LHX2: variants seen among roughly 807,000 people sequenced by gnomAD.
LHX2 encodes the protein LIM/homeobox protein Lhx2.
A neutral mutation model predicts 33.0 loss-of-function variants in LHX2; 6 were observed. The ratio of observed to expected loss-of-function variants is 0.18; its 90% CI spans 0.10 to 0.36. The LOEUF is 0.36. Ranked by LOEUF, LHX2 falls within the 10% of genes least tolerant of loss-of-function variation. The pLI, the probability that LHX2 is intolerant of heterozygous loss-of-function variation, is 1.00. For missense variants in LHX2, 442 were observed against 586.2 expected (o/e 0.75, Z 2.54); for synonymous variants, 292 against 253.1 (o/e 1.15, Z -1.46).
chr9:124,018,235 G>C (rs1391715987), intron 3 of LHX2, among the ~76,000 whole-genome samples: 4 of 150,936 alleles, frequency 2.7e-5, no homozygotes, highest in African/African-American at 9.8e-5. Flanking sequence ...ATGATTTTAC[G>C]AGCTCTTTAG....
chr9:124,012,444 C>A lies in LHX2; in HGVS notation c.96C>A (p.Ala32=). 6.6e-7 allele frequency: 1 copy of A among 1,524,090 alleles called. No individual in the cohort carries two copies. The allele number at this position is 1,524,090 out of a possible 1,614,324, so 94.4% of individuals were successfully genotyped here. A position where few individuals can be genotyped will look rare whatever the true frequency, so the allele number is the denominator to read the frequency against. The change falls in exon 1 of 5, where the codon GCC becomes GCA. Residue 32 remains alanine, a synonymous_variant. Coordinates refer to ENST00000373615, the MANE Select transcript of LHX2 (RefSeq NM_004789.4). The surrounding 1 kb of genome is among the most constrained non-coding windows in gnomAD (Gnocchi z 4.3). ...GCGAGGCTCCCGCCATCAGCTCCGC[C>A]ATCGACCGCGGCGACACCGAGACGG... ...AKSEAPAISS[A]IDRGDTETTM... is the part of the protein sequence containing the mutation.
At chr9:124,013,109 A>G (rs1031082142) in intron 1 of LHX2, among the ~76,000 whole-genome samples, 2 of 152,182 alleles carry the variant, frequency 1.3e-5, no homozygotes, top group Admixed American at 6.5e-5. Context: ...CCCAGCCCCA[A>G]ATAGCCAGTT....
chr9:124,013,999 C>T lies in LHX2; in HGVS notation c.159C>T (p.Cys53=), dbSNP rs760944693. 24 of 1,613,278 alleles carry T rather than the reference C, an allele frequency of 1.5e-5. No individual in the cohort carries two copies. Among genetic ancestry groups the T allele is most frequent in the African/African-American group, 5.3e-5 (4 of 74,944 alleles). The change falls in exon 2 of 5, where the codon TGC becomes TGT. Residue 53 remains cysteine (C), a synonymous_variant. Transcript: ENST00000373615. ...TCAGCAGTGACCGCGCCGCGCTGTG[C>T]GCCGGCTGCGGGGGCAAGATCTCGG... ...PSISSDRAAL[C]AGCGGKISDR...
rs1018158332 is a variant in LHX2 at position 124,013,014 on chromosome 9, G to A, written c.120+546G>A. On this transcript the variant is annotated intron_variant, in intron 1 of 4. Coordinates refer to ENST00000373615, the MANE Select transcript of LHX2 (RefSeq NM_004789.4). ...CCAGACCCTTGACTGGTCAGACTTAGCCAGGCCAGGGCTGGGAGTTCAGGC... is the reference window on the plus strand; with the variant it reads ...CCAGACCCTTGACTGGTCAGACTTAACCAGGCCAGGGCTGGGAGTTCAGGC... Among the ~76,000 whole-genome samples the A allele has an allele frequency of 1.2e-3, 189 of 152,360 alleles. 2 individuals carry two copies. Among genetic ancestry groups the A allele is most frequent in the Admixed American group, 0.012 (184 of 15,312 alleles).
chr9:124,014,245 G>C lies in LHX2; in HGVS notation c.323+82G>C. ...CTTACAGTTTGGCCCTCTCCTTTCC[G>C]TTTAGTCCCAGGAGAGGGTTCACTA... On this transcript the variant is annotated intron_variant, in intron 2 of 4. Transcript: ENST00000373615. The surrounding 1 kb of genome is among the most constrained non-coding windows in gnomAD (Gnocchi z 4.8). 7 of 902,930 alleles carry C rather than the reference G, an allele frequency of 7.8e-6. No individual in the cohort carries two copies. The highest frequency in any genetic ancestry group is 1.9e-5 in the African/African-American group (1 of 53,852). 55.9% of individuals were successfully genotyped at this position (902,930 alleles called of 1,614,324 possible).
At position 124,015,351 on chromosome 9, in the gene LHX2, G is replaced by A. The variant is rs567713261; in HGVS notation, c.553G>A (p.Asp185Asn). The A allele has an allele frequency of 2.5e-6, 4 of 1,611,556 alleles. No individual in the cohort carries two copies. Among genetic ancestry groups the A allele is most frequent in the Non-Finnish European group, 2.5e-6 (3 of 1,178,694 alleles). Residue 185 changes from aspartate (D) to asparagine (N), a missense_variant, in exon 3 of 5, where the codon GAC becomes AAC. By Grantham distance (23) the Asp-to-Asn change is conservative. Coordinates refer to ENST00000373615, the MANE Select transcript of LHX2 (RefSeq NM_004789.4). The surrounding 1 kb of genome is among the most constrained non-coding windows in gnomAD (Gnocchi z 7.9). ...GTACCCCGCACACTTCAACCATGCC[G>A]ACGTGGCAGCGGCGGCCGCTGCAGC... ...GEYPAHFNHA[D>N]VAAAAAAAAA...
At chr9:124,030,627 C>A (rs995363122) in intron 4 of LHX2, among the ~76,000 whole-genome samples, 1 of 105,600 alleles carries the variant, frequency 9.5e-6, no homozygotes, top group African/African-American at 4.0e-5. Flanking sequence ...TTTTTCTTTT[C>A]TTTTTTTTTT....
At chr9:124,018,234 C>G (rs1226621615) in intron 3 of LHX2, among the ~76,000 whole-genome samples, 1 of 150,576 alleles carries the variant, frequency 6.6e-6, no homozygotes, top group African/African-American at 2.4e-5. Flanking sequence ...CATGATTTTA[C>G]GAGCTCTTTA....
intron 4 of LHX2, among the ~76,000 whole-genome samples, chr9:124,026,827 C>A (rs551160820): frequency 6.6e-6 from 1 of 152,270 alleles, no homozygotes; most frequent in African/African-American, 2.4e-5. Context: ...AGCACAGAGA[C>A]CTGACCTGCT....
intron 4 of LHX2, among the ~76,000 whole-genome samples, chr9:124,026,891 G>A (rs1828634775): frequency 6.6e-6 from 1 of 152,096 alleles, no homozygotes; most frequent in Non-Finnish European, 1.5e-5. Flanking sequence ...TTTATATCAG[G>A]GCAAGTCACT....
chr9:124,018,846 T>C (rs1588347545), intron 3 of LHX2, among the ~76,000 whole-genome samples: 1 of 151,814 alleles, frequency 6.6e-6, no homozygotes, highest in African/African-American at 2.4e-5. Context: ...TCTTTTTCTC[T>C]CCTTTCTCTG....
chr9:124,021,573 G>C (rs181169985), intron 4 of LHX2, among the ~76,000 whole-genome samples: 3 of 151,614 alleles, frequency 2.0e-5, no homozygotes, highest in East Asian at 1.9e-4. Flanking sequence ...CTCCACACTC[G>C]GTCTCTTTTC....
chr9:124,031,253 A>G (rs1828700875), intron 4 of LHX2, among the ~76,000 whole-genome samples: 1 of 152,190 alleles, frequency 6.6e-6, no homozygotes, highest in Non-Finnish European at 1.5e-5. Context: ...GGCCCAGGGT[A>G]CCTGGTGGCT....
At chr9:124,019,192 C>T (rs1382404834) in intron 3 of LHX2, among the ~76,000 whole-genome samples, 1 of 152,146 alleles carries the variant, frequency 6.6e-6, no homozygotes, top group Non-Finnish European at 1.5e-5. Context: ...AATGCAGCCC[C>T]GGGGGTGAGG....
At chr9:124,022,890 C>T (rs982042499) in intron 4 of LHX2, among the ~76,000 whole-genome samples, 41 of 152,138 alleles carry the variant, frequency 2.7e-4, no homozygotes, top group Non-Finnish European at 5.0e-4. Flanking sequence ...GACTGGGTGA[C>T]GTAGCCGAGG....
intron 3 of LHX2, among the ~76,000 whole-genome samples, chr9:124,019,776 C>T (rs1290867149): frequency 6.6e-6 from 1 of 152,226 alleles, no homozygotes; most frequent in African/African-American, 2.4e-5. Context: ...TCAGTTCTCA[C>T]TTTAGGCGGA....
Position 124,032,492 on chromosome 9 carries a change from T to G in LHX2, c.1006T>G (p.Ser336Ala). Residue 336 changes from serine (S) to alanine (A), a missense_variant, in exon 5 of 5, where the codon TCG becomes GCG. By Grantham distance (99) the Ser-to-Ala change is moderately conservative. Around this residue, in one of 5 missense-constraint regions of LHX2, gnomAD observed 109 missense variants for 98.7 expected, o/e 1.10. Transcript: ENST00000373615. This position sits in a 1 kb window ranked among gnomAD's most constrained non-coding sequence, Gnocchi z 4.1. ...LRQENTGVDK[S>A]TDAALQTGTP... ...GCAGGAAAACACGGGCGTGGACAAG[T>G]CGACAGACGCGGCGCTGCAGACAGG... 6.2e-7 allele frequency: 1 copy of G among 1,612,246 alleles called. No homozygotes were observed. The highest frequency in any genetic ancestry group is 8.5e-7 in the Non-Finnish European group (1 of 1,179,892).
chr9:124,016,145 G>A lies in LHX2; in HGVS notation c.727+620G>A, dbSNP rs1465492554. 6.6e-6 allele frequency among the ~76,000 whole-genome samples: 1 copy of A among 151,818 alleles called. No homozygotes were observed. The highest frequency in any genetic ancestry group is 1.5e-5 in the Non-Finnish European group (1 of 67,972). On this transcript the variant is annotated intron_variant, in intron 3 of 4. Coordinates refer to ENST00000373615, the MANE Select transcript of LHX2 (RefSeq NM_004789.4). This position sits in a 1 kb window ranked among gnomAD's most constrained non-coding sequence, Gnocchi z 4.4. ...GACTTTTTCCTCCGAGTTTCCTGGC[G>A]CCTGCTGGGGTGAGGGCCGTGACCC...
At chr9:124,021,650 T>A (rs1859296037) in intron 4 of LHX2, among the ~76,000 whole-genome samples, 1 of 152,210 alleles carries the variant, frequency 6.6e-6, no homozygotes, top group Non-Finnish European at 1.5e-5. Flanking sequence ...CACATTCACA[T>A]CATAAAAGGT....
Sources: allele counts gnomAD v4.1 joint callset (sites outside exome capture counted in the v4.1 genomes callset), GRCh38; gene constraint gnomAD v4.1.1; regional missense constraint gnomAD v4.1.1; non-coding constraint Gnocchi (gnomAD v3.1); transcripts MANE v1.5; gene names NCBI Gene and HGNC (gene_info 2026-07-23, HGNC 2026-07-21).